Variants in PRKN observed in about 807,000 individuals in gnomAD.
The protein encoded by PRKN is parkin RBR E3 ubiquitin protein ligase.
A neutral mutation model predicts 59.5 loss-of-function variants in PRKN; 56 were observed. The ratio of observed to expected loss-of-function variants is 0.94; its 90% CI spans 0.76 to 1.18. PRKN has a LOEUF of 1.18. Among genes scored for constraint, PRKN ranks in the 50% most tolerant of loss-of-function variants. The pLI, the probability that PRKN is intolerant of heterozygous loss-of-function variation, is 0.00. For synonymous variants in PRKN, 250 were observed against 222.1 expected (o/e 1.13, Z -1.12); for missense variants, 657 against 596.4 (o/e 1.10, Z -1.06).
chr6:162,659,785 T>C (rs1003069894), intron 1 of PRKN, among the ~76,000 whole-genome samples: 4 of 152,134 alleles, frequency 2.6e-5, no homozygotes, highest in African/African-American at 4.8e-5. Context: ...ATTTTCATCA[T>C]GGAAAATGAA....
intron 5 of PRKN, among the ~76,000 whole-genome samples, chr6:162,012,533 G>T (rs1375904198): frequency 4.0e-5 from 6 of 151,878 alleles, no homozygotes; most frequent in African/African-American, 1.5e-4. Flanking sequence ...CTTCACTTGG[G>T]ATTTCCTGAG....
chr6:161,767,712 G>A (rs1158565515), intron 7 of PRKN, among the ~76,000 whole-genome samples: 3 of 140,116 alleles, frequency 2.1e-5, no homozygotes, highest in Non-Finnish European at 3.0e-5. Flanking sequence ...TTGTAACTAT[G>A]TTACCTTAAA....
In PRKN at chr6:161,447,979, C is replaced by T. The variant is rs1031726209; in HGVS notation, c.1084-61102G>A. ...TTGTGTTGAGATCTTAGACCTTAAC[C>T]AGACTTATAGCCTTCATTCAAACCA... On this transcript the variant is annotated intron_variant, in intron 9 of 11. Coordinates refer to ENST00000366898, the MANE Select transcript of PRKN (RefSeq NM_004562.3). This position sits in a 1 kb window ranked among gnomAD's most constrained non-coding sequence, Gnocchi z 4.1. 2.0e-5 allele frequency among the ~76,000 whole-genome samples: 3 copies of T among 152,136 alleles called. No homozygotes were observed. The highest frequency in any genetic ancestry group is 6.5e-5 in the Admixed American group (1 of 15,276).
intron 7 of PRKN, among the ~76,000 whole-genome samples, chr6:161,636,417 G>A (rs1472993572): frequency 6.6e-6 from 1 of 152,230 alleles, no homozygotes; most frequent in Non-Finnish European, 1.5e-5. Flanking sequence ...GGACCTCTGT[G>A]GATATAATCC....
intron 4 of PRKN, among the ~76,000 whole-genome samples, chr6:162,062,770 A>T (rs1225611976): frequency 6.6e-6 from 1 of 152,190 alleles, no homozygotes; most frequent in African/African-American, 2.4e-5. Context: ...CAGTCCTAGC[A>T]GACAAATATA....
In PRKN at chr6:161,538,403, C is replaced by T. The variant is rs187476866; in HGVS notation, c.1083+10451G>A. 1.2e-3 allele frequency among the ~76,000 whole-genome samples: 181 copies of T among 152,190 alleles called. No individual in the cohort carries two copies. Among genetic ancestry groups the T allele is most frequent in the Middle Eastern group, 3.4e-3 (1 of 294 alleles). On this transcript the variant is annotated intron_variant, in intron 9 of 11. Transcript: ENST00000366898. The surrounding 1 kb of genome is among the most constrained non-coding windows in gnomAD (Gnocchi z 4.2). ...CTCCTTCTTAGTCTCTATCCACAACCTCAACTTCTTAATGGACAGTGGGGA... is the reference window on the plus strand; with the variant it reads ...CTCCTTCTTAGTCTCTATCCACAACTTCAACTTCTTAATGGACAGTGGGGA...
intron 6 of PRKN, among the ~76,000 whole-genome samples, chr6:161,953,513 G>T (rs1780061725): frequency 6.6e-6 from 1 of 152,168 alleles, no homozygotes; most frequent in Admixed American, 6.5e-5. Flanking sequence ...AATACAAACA[G>T]CCAGGTTTAC....
At chr6:162,711,720 A>G (rs1427617994) in intron 1 of PRKN, among the ~76,000 whole-genome samples, 1 of 152,134 alleles carries the variant, frequency 6.6e-6, no homozygotes, top group Non-Finnish European at 1.5e-5. Flanking sequence ...CAAATTCCAA[A>G]CTAGAGTGGC....
chr6:161,693,758 A>T (rs1423968085), intron 7 of PRKN, among the ~76,000 whole-genome samples: 1 of 152,232 alleles, frequency 6.6e-6, no homozygotes, highest in Non-Finnish European at 1.5e-5. Flanking sequence ...CTAATATACA[A>T]TTACTTTTCA....
chr6:162,095,897 G>A (rs1779705314), intron 4 of PRKN, among the ~76,000 whole-genome samples: 1 of 152,130 alleles, frequency 6.6e-6, no homozygotes. Context: ...AGTTCAGAGT[G>A]TCATCGAGAG....
chr6:162,512,293 T>C (rs1364889073), intron 1 of PRKN, among the ~76,000 whole-genome samples: 2 of 152,180 alleles, frequency 1.3e-5, no homozygotes, highest in Non-Finnish European at 2.9e-5. Flanking sequence ...GCATTAACTA[T>C]GGAATTTAGC....
At chr6:162,500,214 C>T (rs1793301351) in intron 1 of PRKN, among the ~76,000 whole-genome samples, 1 of 151,254 alleles carries the variant, frequency 6.6e-6, no homozygotes, top group South Asian at 2.1e-4. Flanking sequence ...ACTCTGTTAC[C>T]CAGGCTGGAG....
At chr6:161,776,999 T>C (rs1482790296) in intron 7 of PRKN, among the ~76,000 whole-genome samples, 1 of 152,224 alleles carries the variant, frequency 6.6e-6, no homozygotes, top group Non-Finnish European at 1.5e-5. Flanking sequence ...GTTTAACTGT[T>C]GAGGCAGGCT....
chr6:162,696,471 G>C (rs1231086319), intron 1 of PRKN, among the ~76,000 whole-genome samples: 1 of 151,370 alleles, frequency 6.6e-6, no homozygotes, highest in Non-Finnish European at 1.5e-5. Flanking sequence ...TACTGGAAAA[G>C]CATGTATTTG....
intron 2 of PRKN, among the ~76,000 whole-genome samples, chr6:162,404,349 G>A (rs1372111112): frequency 3.4e-5 from 5 of 148,304 alleles, no homozygotes; most frequent in East Asian, 2.0e-4. Flanking sequence ...CAGCCTGGGC[G>A]ACAGAGTGAG....
chr6:161,857,467 C>T (rs1583255384), intron 6 of PRKN, among the ~76,000 whole-genome samples: 1 of 152,288 alleles, frequency 6.6e-6, no homozygotes, highest in Non-Finnish European at 1.5e-5. Flanking sequence ...ACAGGTGTGT[C>T]CTACTCTGAA....
At chr6:162,156,593 T>C (rs1782525405) in intron 4 of PRKN, among the ~76,000 whole-genome samples, 1 of 152,184 alleles carries the variant, frequency 6.6e-6, no homozygotes, top group African/African-American at 2.4e-5. Context: ...GCCTGCTCTT[T>C]CATTTTCTGC....
At chr6:162,144,900 A>G (rs1156632398) in intron 4 of PRKN, among the ~76,000 whole-genome samples, 1 of 152,094 alleles carries the variant, frequency 6.6e-6, no homozygotes, top group Non-Finnish European at 1.5e-5. Context: ...ATGAACGTAA[A>G]AGGCCTAGTA....
chr6:161,868,112 T>C (rs1177611992), intron 6 of PRKN, among the ~76,000 whole-genome samples: 2 of 152,128 alleles, frequency 1.3e-5, no homozygotes, highest in Non-Finnish European at 2.9e-5. Flanking sequence ...ATAATGGAAA[T>C]GGATTATAAT....
Sources: gnomAD v4.1 joint callset for allele counts (sites outside exome capture counted in the v4.1 genomes callset) on GRCh38, gnomAD v4.1.1 for gene constraint, Gnocchi (gnomAD v3.1) non-coding constraint, MANE v1.5 for transcripts, NCBI Gene and HGNC (gene_info 2026-07-23, HGNC 2026-07-21) for gene names.